The following TANK variants were observed in gnomAD, a reference collection of about 807,000 sequenced individuals.
TANK encodes TRAF family member-associated NF-kappa-B activator.
A neutral mutation model predicts 43.6 loss-of-function variants in TANK; 15 were observed. The observed-to-expected ratio is 0.34, with a 90% CI of 0.23 to 0.53. The LOEUF (loss-of-function observed/expected upper bound fraction) is 0.53. Ranked by LOEUF, TANK falls within the 20% of genes least tolerant of loss-of-function variation. The pLI is 0.94. For missense variants in TANK, 417 were observed against 498.6 expected (o/e 0.84, Z 1.56); for synonymous variants, 162 against 178.2 (o/e 0.91, Z 0.73).
chr2:161,215,081 G>C (rs1687059277), intron 4 of TANK, among the ~76,000 whole-genome samples: 1 of 152,114 alleles, frequency 6.6e-6, no homozygotes, highest in Non-Finnish European at 1.5e-5. Flanking sequence ...TTGTATTCCT[G>C]ACATGAACAG....
At chr2:161,223,884 GTAGTAA>G in intron 4 of TANK, 25 bp from the exon 5 acceptor site, 1 of 1,432,056 alleles carries the variant, frequency 7.0e-7, no homozygotes, top group Non-Finnish European at 9.7e-7. Context: ...GCAATTTAAA[GTAGTAA>G]TAGTAATCAT....
chr2:161,156,429 C>G (rs1184241477), upstream of TANK: 1 of 911,404 alleles, frequency 1.1e-6, no homozygotes, highest in African/African-American at 1.8e-5. Flanking sequence ...TCATGTATTT[C>G]ATCTCTTTTT....
At chr2:161,226,665 A>C (rs903569932) in intron 6 of TANK, among the ~76,000 whole-genome samples, 1 of 152,156 alleles carries the variant, frequency 6.6e-6, no homozygotes, top group Non-Finnish European at 1.5e-5. Context: ...GAGTTAGTAG[A>C]ATTCTACATT....
intron 2 of TANK, among the ~76,000 whole-genome samples, chr2:161,191,954 A>AT (rs1685937405): frequency 6.6e-6 from 1 of 151,848 alleles, no homozygotes; most frequent in Middle Eastern, 3.4e-3. Flanking sequence ...CGCCCAGCTA[A>AT]TTTTTTTATT....
chr2:161,146,878 G>A (rs890871933), intron 1 of TANK, among the ~76,000 whole-genome samples: 1 of 151,954 alleles, frequency 6.6e-6, no homozygotes, highest in Non-Finnish European at 1.5e-5. Flanking sequence ...TTGCTGGGGG[G>A]AACCCACTCA....
At chr2:161,195,676 A>T (rs191336739) in intron 2 of TANK, among the ~76,000 whole-genome samples, 1 of 152,258 alleles carries the variant, frequency 6.6e-6, no homozygotes, top group East Asian at 1.9e-4. Context: ...GAGTAATATG[A>T]TTACATGTGC....
chr2:161,157,351 G>A (rs1684254322), upstream of TANK, among the ~76,000 whole-genome samples: 1 of 152,202 alleles, frequency 6.6e-6, no homozygotes, highest in Non-Finnish European at 1.5e-5. Context: ...ACAGGCTGAA[G>A]GAGGCAAGGC....
At chr2:161,155,473 T>C (rs183609893), upstream of TANK, among the ~76,000 whole-genome samples, 536 of 152,342 alleles carry the variant, frequency 3.5e-3, 9 homozygotes, top group South Asian at 0.019. Flanking sequence ...ATATCTTCAA[T>C]TGTTTCAGAA....
chr2:161,148,095 G>T lies in TANK; in HGVS notation c.-50+11032G>T, dbSNP rs186069136. ...TCTATGTTTAGCATTTTAAGGAACT[G>T]GCAAATTATTTTCCACAGTGGTTGA... On this transcript the variant is annotated intron_variant, in intron 1 of 7. Transcript: ENST00000259075. Among the ~76,000 whole-genome samples, 155 of 152,242 alleles carry T rather than the reference G, an allele frequency of 1.0e-3. 1 individual carries two copies. Among genetic ancestry groups the T allele is most frequent in the Non-Finnish European group, 1.7e-3 (114 of 68,010 alleles).
At chr2:161,214,331 G>A (rs534377796) in intron 4 of TANK, among the ~76,000 whole-genome samples, 13 of 152,244 alleles carry the variant, frequency 8.5e-5, no homozygotes, top group Middle Eastern at 3.4e-3. Flanking sequence ...TCAAATAGTT[G>A]CACAAGTACT....
chr2:161,212,303 C>T (rs1012703795), intron 4 of TANK: 4 of 843,746 alleles, frequency 4.7e-6, no homozygotes, highest in South Asian at 1.1e-4. Flanking sequence ...TGAAATGATC[C>T]ACCTGCCTCG....
intron 4 of TANK, chr2:161,212,064 T>C: frequency 1.9e-5 from 4 of 205,218 alleles, no homozygotes; most frequent in Non-Finnish European, 2.5e-5. Context: ...ATACATAAAC[T>C]TTTTTTTTTT....
chr2:161,191,122 C>G (rs747496495), intron 2 of TANK, among the ~76,000 whole-genome samples: 1 of 152,114 alleles, frequency 6.6e-6, no homozygotes, highest in Admixed American at 6.5e-5. Context: ...ATTTGAGACT[C>G]AGAAGTTTTT....
chr2:161,222,981 A>C (rs1574061444), intron 4 of TANK: 1 of 152,094 alleles, frequency 6.6e-6, no homozygotes, highest in African/African-American at 2.4e-5. Context: ...ATCTTTTGAA[A>C]AGCAAGAGTG....
intron 2 of TANK, among the ~76,000 whole-genome samples, chr2:161,198,757 T>C (rs1558990677): frequency 6.6e-6 from 1 of 152,154 alleles, no homozygotes; most frequent in Non-Finnish European, 1.5e-5. Flanking sequence ...AAAATAAAAA[T>C]AGTTTGTCAT....
At chr2:161,213,774 T>A (rs753741812) in intron 4 of TANK, among the ~76,000 whole-genome samples, 52 of 151,974 alleles carry the variant, frequency 3.4e-4, no homozygotes, top group Non-Finnish European at 7.1e-4. Flanking sequence ...GAAGAGTATT[T>A]TAATAGCTTT....
chr2:161,170,372 A>G (rs928546404), intron 1 of TANK, among the ~76,000 whole-genome samples: 2 of 152,190 alleles, frequency 1.3e-5, no homozygotes, highest in African/African-American at 4.8e-5. Context: ...CCATCTGCCA[A>G]AGTATCAAAA....
intron 1 of TANK, chr2:161,161,491 C>A: frequency 6.6e-7 from 1 of 1,525,672 alleles, no homozygotes; most frequent in Non-Finnish European, 8.8e-7. Flanking sequence ...TCAAATAATA[C>A]AACTATGTGC....
intron 4 of TANK, among the ~76,000 whole-genome samples, chr2:161,213,997 A>G (rs2105364650): frequency 6.6e-6 from 1 of 152,058 alleles, no homozygotes; most frequent in Non-Finnish European, 1.5e-5. Flanking sequence ...TCACTAAGTT[A>G]TGTAGATCTT....
Sources: gnomAD v4.1 joint callset for allele counts (sites outside exome capture counted in the v4.1 genomes callset) on GRCh38, gnomAD v4.1.1 for gene constraint, MANE v1.5 for transcripts, NCBI Gene and HGNC (gene_info 2026-07-23, HGNC 2026-07-21) for gene names.